The following TRAPPC9 variants were observed in gnomAD, a reference collection of about 807,000 sequenced individuals.
The protein encoded by TRAPPC9 is IKK2 binding protein.
In TRAPPC9, 83 loss-of-function variants were observed where a neutral mutation model predicts 124.0. That is an observed-to-expected ratio of 0.67 (90% CI 0.56 to 0.80). TRAPPC9 has a LOEUF of 0.80. Among genes scored for constraint, TRAPPC9 ranks in the 30% least tolerant of loss-of-function variants. The probability of loss-of-function intolerance (pLI) is 0.00; values close to 1 mark genes in which losing one functional copy is unlikely to be tolerated. For synonymous variants in TRAPPC9, 638 were observed against 617.5 expected (o/e 1.03, Z -0.49); for missense variants, 1,302 against 1,508.3 (o/e 0.86, Z 2.27).
chr8:140,247,025 C>T (rs2064004628), intron 16 of TRAPPC9, among the ~76,000 whole-genome samples: 1 of 152,084 alleles, frequency 6.6e-6, no homozygotes, highest in Admixed American at 6.5e-5. Flanking sequence ...TCCCATGCTC[C>T]CCCCATGTTT....
At chr8:140,381,499 CT>C (rs891720982) in intron 7 of TRAPPC9, among the ~76,000 whole-genome samples, 1 of 151,712 alleles carries the variant, frequency 6.6e-6, no homozygotes, top group Non-Finnish European at 1.5e-5. Flanking sequence ...AACCCCATCT[CT>C]ATTAAAAGTG....
intron 10 of TRAPPC9, among the ~76,000 whole-genome samples, chr8:140,310,564 T>C (rs1294119213): frequency 6.6e-6 from 1 of 152,196 alleles, no homozygotes; most frequent in Non-Finnish European, 1.5e-5. Context: ...AGGACCCACT[T>C]TGCATGTGCC....
At position 140,025,125 on chromosome 8, in the gene TRAPPC9, T is replaced by C. The variant is rs551083777; in HGVS notation, c.2557-1046A>G. ...GGGACCGAAGGGGAACATTACAGCTTCTCTGCAACCCTGAGTACAGGGCAA... is the reference window on the plus strand; with the variant it reads ...GGGACCGAAGGGGAACATTACAGCTCCTCTGCAACCCTGAGTACAGGGCAA... On this transcript the variant is annotated intron_variant, in intron 17 of 22. Coordinates refer to ENST00000438773, the MANE Select transcript of TRAPPC9 (RefSeq NM_001160372.4). Among the ~76,000 whole-genome samples, 6 of 152,248 alleles carry C rather than the reference T, an allele frequency of 3.9e-5. No individual in the cohort carries two copies. In the South Asian group the frequency reaches 1.2e-3, roughly 32 times the overall value.
At chr8:140,047,484 G>A (rs1484087870) in intron 17 of TRAPPC9, among the ~76,000 whole-genome samples, 3 of 152,358 alleles carry the variant, frequency 2.0e-5, no homozygotes, top group East Asian at 1.9e-4. Flanking sequence ...CAGAGGAGAG[G>A]CTGAGAGAAT....
chr8:140,318,538 C>A (rs1265528021), intron 9 of TRAPPC9, among the ~76,000 whole-genome samples: 1 of 152,234 alleles, frequency 6.6e-6, no homozygotes, highest in Non-Finnish European at 1.5e-5. Context: ...ATTCCACTTA[C>A]CTCCCAGCCT....
In TRAPPC9 at chr8:140,344,165, T is replaced by A. The variant is rs575196626; in HGVS notation, c.1495+15885A>T. ...CCTTGTAAAGGAGATCCCAGAGAGC[T>A]CCCTCGCCCCTTCCAGCATGTCTCT... On this transcript the variant is annotated intron_variant, in intron 9 of 22. Coordinates refer to ENST00000438773, the MANE Select transcript of TRAPPC9 (RefSeq NM_001160372.4). Among the ~76,000 whole-genome samples, 297 of 152,100 alleles carry A rather than the reference T, an allele frequency of 2.0e-3. 3 individuals carry two copies. The highest frequency in any genetic ancestry group is 6.9e-3 in the African/African-American group (286 of 41,494).
At chr8:140,293,515 C>A (rs2065720997) in intron 11 of TRAPPC9, among the ~76,000 whole-genome samples, 1 of 152,184 alleles carries the variant, frequency 6.6e-6, no homozygotes, top group Non-Finnish European at 1.5e-5. Flanking sequence ...CACATATACA[C>A]CATGGAATAC....
intron 21 of TRAPPC9, among the ~76,000 whole-genome samples, chr8:139,876,459 T>C (rs1194468461): frequency 6.6e-6 from 1 of 152,226 alleles, no homozygotes; most frequent in Non-Finnish European, 1.5e-5. Flanking sequence ...CAGGCTCTAG[T>C]CTGTCTCTCG....
At chr8:140,138,962 C>A (rs2061344222) in intron 17 of TRAPPC9, among the ~76,000 whole-genome samples, 1 of 152,208 alleles carries the variant, frequency 6.6e-6, no homozygotes, top group South Asian at 2.1e-4. Context: ...ACCGGCTGTG[C>A]TCGGTCAGAG....
In TRAPPC9 at chr8:140,041,649, C is replaced by A. The variant is rs140826167; in HGVS notation, c.2557-17570G>T. Among the ~76,000 whole-genome samples, 700 of 152,314 alleles carry A rather than the reference C, an allele frequency of 4.6e-3. 6 individuals carry two copies. Among genetic ancestry groups the A allele is most frequent in the African/African-American group, 0.016 (671 of 41,584 alleles). ...CTCATGGCGGTCACACCATCCTGGG[C>A]CTCAACATGGCATCTAAGTCTAATC... On this transcript the variant is annotated intron_variant, in intron 17 of 22. Coordinates refer to ENST00000438773, the MANE Select transcript of TRAPPC9 (RefSeq NM_001160372.4).
chr8:140,405,541 A>T, intron 6 of TRAPPC9, 36 bp downstream of exon 6: 2 of 1,612,734 alleles, frequency 1.2e-6, no homozygotes, highest in Non-Finnish European at 1.7e-6. Context: ...TAAACAACAC[A>T]ACTGTGTAAA....
intron 17 of TRAPPC9, among the ~76,000 whole-genome samples, chr8:140,045,627 G>C (rs4288356): frequency 8.8e-6 from 1 of 114,186 alleles, no homozygotes; most frequent in African/African-American, 4.0e-5. Flanking sequence ...ACTCCATCTC[G>C]GCAGAAAAAA....
intron 17 of TRAPPC9, among the ~76,000 whole-genome samples, chr8:140,172,816 A>G (rs2061992182): frequency 6.6e-6 from 1 of 152,206 alleles, no homozygotes; most frequent in Non-Finnish European, 1.5e-5. Flanking sequence ...TATAGGGGAG[A>G]AAACTGTGAT....
At chr8:139,922,954 T>C (rs992397940) in intron 19 of TRAPPC9, among the ~76,000 whole-genome samples, 13 of 152,150 alleles carry the variant, frequency 8.5e-5, no homozygotes, top group Non-Finnish European at 1.9e-4. Flanking sequence ...TTTTGGCACC[T>C]GGATTTCAGA....
chr8:139,989,899 G>GT (rs1837515553), intron 18 of TRAPPC9, among the ~76,000 whole-genome samples: 1 of 152,178 alleles, frequency 6.6e-6, no homozygotes, highest in African/African-American at 2.4e-5. Context: ...CAGTCAGCAC[G>GT]TAACAGGTCA....
At position 139,853,226 on chromosome 8, in the gene TRAPPC9, G is replaced by A. The variant is rs939586977; in HGVS notation, c.3055+32653C>T. ...CTCCTGTAGCACATGGCGGTGGCAG[G>A]AGCAATGTGCAGGATGCTTGCCCTT... is the stretch of plus-strand genomic sequence containing the variant. On this transcript the variant is annotated intron_variant, in intron 21 of 22. Coordinates refer to ENST00000438773, the MANE Select transcript of TRAPPC9 (RefSeq NM_001160372.4). Among the ~76,000 whole-genome samples the A allele has an allele frequency of 2.6e-5, 4 of 152,190 alleles. 1 individual carries two copies. The highest frequency in any genetic ancestry group is 2.6e-4 in the Admixed American group (4 of 15,290).
intron 17 of TRAPPC9, among the ~76,000 whole-genome samples, chr8:140,138,823 TG>T (rs936582152): frequency 1.3e-4 from 20 of 151,754 alleles, no homozygotes; most frequent in African/African-American, 4.8e-4. Context: ...ATAAACAAAA[TG>T]GGGGGATTGG....
chr8:140,018,095 G>A (rs1026575882), intron 18 of TRAPPC9, among the ~76,000 whole-genome samples: 1 of 151,616 alleles, frequency 6.6e-6, no homozygotes, highest in African/African-American at 2.4e-5. Flanking sequence ...CACCTGCCTC[G>A]GCCTCTCGAA....
At chr8:139,831,364 T>G (rs1825982278) in intron 21 of TRAPPC9, among the ~76,000 whole-genome samples, 1 of 152,050 alleles carries the variant, frequency 6.6e-6, no homozygotes, top group South Asian at 2.1e-4. Flanking sequence ...CAGTGAGGTT[T>G]CTTGATATTT....
Sources: gnomAD v4.1 joint callset for allele counts (sites outside exome capture counted in the v4.1 genomes callset) on GRCh38, gnomAD v4.1.1 for gene constraint, MANE v1.5 for transcripts, NCBI Gene and HGNC (gene_info 2026-07-23, HGNC 2026-07-21) for gene names.